The following SLC6A16 variants were observed in gnomAD, a reference collection of about 807,000 sequenced individuals.
The protein encoded by SLC6A16 is solute carrier family 6 member 16.
SLC6A16 carries 54 observed loss-of-function variants against 65.4 expected under a neutral mutation model. The observed-to-expected ratio is 0.83, with a 90% confidence interval of 0.66 to 1.04. The LOEUF is 1.04. Ranked by LOEUF, SLC6A16 falls within the 50% of genes least tolerant of loss-of-function variation. The pLI is 0.00. For synonymous variants in SLC6A16, 330 were observed against 346.5 expected (o/e 0.95, Z 0.53); for missense variants, 816 against 914.0 (o/e 0.89, Z 1.38).
At chr19:49,322,547 T>A (rs993567528) in intron 1 of SLC6A16, among the ~76,000 whole-genome samples, 10 of 148,750 alleles carry the variant, frequency 6.7e-5, no homozygotes, top group African/African-American at 2.2e-4. Context: ...GGCAGGAGAA[T>A]CACTTGAACC....
chr19:49,299,935 C>T (rs1276395943), intron 7 of SLC6A16, among the ~76,000 whole-genome samples: 2 of 145,616 alleles, frequency 1.4e-5, no homozygotes, highest in African/African-American at 2.6e-5. Flanking sequence ...AGGCAGGAAA[C>T]TGCAGTGAGC....
chr19:49,306,317 AAG>A (rs1028420011), intron 7 of SLC6A16, among the ~76,000 whole-genome samples: 4 of 151,992 alleles, frequency 2.6e-5, no homozygotes, highest in African/African-American at 9.7e-5. Flanking sequence ...AAGAAAAAGA[AAG>A]AGCACAGATT....
chr19:49,290,519 G>A (rs1300935884), intron 11 of SLC6A16, 86 bp downstream of exon 11: 3 of 1,565,006 alleles, frequency 1.9e-6, no homozygotes, highest in African/African-American at 1.4e-5. Flanking sequence ...GTAAGAGAAT[G>A]AGATGACTGG....
intron 7 of SLC6A16, among the ~76,000 whole-genome samples, chr19:49,303,673 GAAAAAA>G (rs1470586321): frequency 2.0e-5 from 3 of 149,718 alleles, no homozygotes; most frequent in African/African-American, 7.3e-5. Context: ...AAAGAAAAAA[GAAAAAA>G]GAAAAAAAGC....
At chr19:49,291,845 G>T (rs986832603) in intron 10 of SLC6A16, among the ~76,000 whole-genome samples, 1 of 151,568 alleles carries the variant, frequency 6.6e-6, no homozygotes, top group African/African-American at 2.4e-5. Flanking sequence ...CTCTCCTCTA[G>T]GCCACCTTCC....
chr19:49,337,924 G>A, the SLC6A16 span: 2 of 1,614,080 alleles, frequency 1.2e-6, no homozygotes, highest in Non-Finnish European at 1.7e-6. Context: ...TGGCCTCTCA[G>A]CTGGAGCGAA....
chr19:49,298,486 GA>G (rs1051795066), intron 7 of SLC6A16, among the ~76,000 whole-genome samples: 1 of 152,110 alleles, frequency 6.6e-6, no homozygotes, highest in Admixed American at 6.5e-5. Flanking sequence ...ACAAATATAT[GA>G]AAAAATGCTC....
chr19:49,294,062 T>A, intron 8 of SLC6A16, 34 bp from the exon 9 acceptor site: 2 of 1,569,794 alleles, frequency 1.3e-6, no homozygotes, highest in Non-Finnish European at 1.7e-6. Flanking sequence ...TAAAGTGTCA[T>A]TGAACTAAAC....
the SLC6A16 span, among the ~76,000 whole-genome samples, chr19:49,331,194 T>C: frequency 6.6e-6 from 1 of 152,162 alleles, no homozygotes; most frequent in Admixed American, 6.6e-5. Flanking sequence ...TCCACTTTTT[T>C]TTCCCCTGTA....
At chr19:49,339,872 C>T in the SLC6A16 span, 1 of 1,342,508 alleles carries the variant, frequency 7.4e-7, no homozygotes, top group Middle Eastern at 2.9e-4. The surrounding 1 kb of genome is among the most constrained non-coding windows in gnomAD (Gnocchi z 4.5). Flanking sequence ...CTGCCCATGG[C>T]CCTGGGGCTC....
chr19:49,340,027 A>ACTC, the SLC6A16 span: 1 of 1,476,432 alleles, frequency 6.8e-7, no homozygotes, highest in East Asian at 2.5e-5. Context: ...TTCCGACCTT[A>ACTC]CTCCTTCTCA....
chr19:49,337,993 C>A, the SLC6A16 span: 1 of 1,614,020 alleles, frequency 6.2e-7, no homozygotes, highest in African/African-American at 1.3e-5. Context: ...CCGAGGAGAC[C>A]GCGGCCGAGG....
At chr19:49,335,834 C>A in the SLC6A16 span, 67 of 1,473,616 alleles carry the variant, frequency 4.5e-5, no homozygotes, top group Admixed American at 3.0e-4. This position sits in a 1 kb window ranked among gnomAD's most constrained non-coding sequence, Gnocchi z 4.6. Flanking sequence ...ACCCAAGCAA[C>A]TTCCTGGGGT....
the SLC6A16 span, chr19:49,336,857 C>T: frequency 6.3e-7 from 1 of 1,593,724 alleles, no homozygotes; most frequent in Non-Finnish European, 8.6e-7. Context: ...GGAAATGGGG[C>T]TGCCTGGAGC....
At chr19:49,317,939 A>G (rs1046923166) in intron 1 of SLC6A16, among the ~76,000 whole-genome samples, 1 of 152,238 alleles carries the variant, frequency 6.6e-6, no homozygotes, top group Non-Finnish European at 1.5e-5. Context: ...TTTTTCTGCT[A>G]ATTTCCAAAC....
upstream of SLC6A16, among the ~76,000 whole-genome samples, chr19:49,327,831 G>A (rs1762291567): frequency 6.6e-6 from 1 of 152,126 alleles, no homozygotes; most frequent in Admixed American, 6.6e-5. Context: ...AATGGCAACA[G>A]CAAAAGCCTT....
chr19:49,308,357 G>T (rs1276895161), intron 7 of SLC6A16, among the ~76,000 whole-genome samples: 1 of 152,182 alleles, frequency 6.6e-6, no homozygotes, highest in Non-Finnish European at 1.5e-5. Context: ...GGAGGCTGAG[G>T]CAGGAGAATG....
intron 10 of SLC6A16, 97 bp from the exon 11 acceptor site, chr19:49,290,864 G>C (rs1006012246): frequency 1.8e-5 from 18 of 988,490 alleles, no homozygotes; most frequent in Non-Finnish European, 2.4e-5. Flanking sequence ...ACATTCTATT[G>C]TATCTCTAAT....
chr19:49,306,784 C>T (rs1041164079), intron 7 of SLC6A16, among the ~76,000 whole-genome samples: 1 of 151,998 alleles, frequency 6.6e-6, no homozygotes, highest in South Asian at 2.1e-4. Flanking sequence ...CCTCGTGATC[C>T]ATCTGCCTCA....
Sources: gnomAD v4.1 joint callset for allele counts (sites outside exome capture counted in the v4.1 genomes callset) on GRCh38, gnomAD v4.1.1 for gene constraint, Gnocchi (gnomAD v3.1) non-coding constraint, MANE v1.5 for transcripts, NCBI Gene and HGNC (gene_info 2026-07-23, HGNC 2026-07-21) for gene names.